CNTNAP2: variants seen among roughly 807,000 people sequenced by gnomAD.
CNTNAP2 encodes the protein contactin-associated protein-like 2.
A neutral mutation model predicts 155.2 loss-of-function variants in CNTNAP2; 98 were observed. That is an observed-to-expected ratio of 0.63 (90% confidence interval 0.54 to 0.75). The LOEUF is 0.75. Ranked by LOEUF, CNTNAP2 falls within the 30% of genes least tolerant of loss-of-function variation. The pLI is 0.00. For synonymous variants in CNTNAP2, 651 were observed against 631.2 expected, an observed-to-expected ratio of 1.03 and a Z score of -0.47; for missense variants, 1,727 against 1,688.1, an observed-to-expected ratio of 1.02 and a Z score of -0.40.
chr7:147,902,890 G>A, intron 13 of CNTNAP2, among the ~76,000 whole-genome samples: 1 of 149,444 alleles, frequency 6.7e-6, no homozygotes, highest in South Asian at 2.2e-4. Context: ...GGGCATTTAG[G>A]TTGCTTCCAC....
chr7:147,764,105 A>G (rs905441044), intron 13 of CNTNAP2, among the ~76,000 whole-genome samples: 1 of 151,580 alleles, frequency 6.6e-6, no homozygotes, highest in Non-Finnish European at 1.5e-5. Context: ...TCAAATCTCT[A>G]TCTCGTGTAT....
chr7:148,349,248 G>A (rs1374832879), intron 21 of CNTNAP2, among the ~76,000 whole-genome samples: 1 of 152,126 alleles, frequency 6.6e-6, no homozygotes, highest in East Asian at 1.9e-4. Flanking sequence ...GAAGGAACCA[G>A]ATCTAAAGAC....
At chr7:146,161,717 C>A (rs1376573847) in intron 1 of CNTNAP2, among the ~76,000 whole-genome samples, 1 of 152,102 alleles carries the variant, frequency 6.6e-6, no homozygotes, top group Admixed American at 6.6e-5. Context: ...AATCCTAAGC[C>A]TAAAGAACAA....
At chr7:146,766,742 T>G (rs1277763100) in intron 1 of CNTNAP2, among the ~76,000 whole-genome samples, 1 of 152,208 alleles carries the variant, frequency 6.6e-6, no homozygotes, top group Non-Finnish European at 1.5e-5. Flanking sequence ...GCTATTACTA[T>G]CAATTGATTC....
At position 146,167,004 on chromosome 7, in the gene CNTNAP2, A is replaced by T. The variant is rs967221813; in HGVS notation, c.97+50031A>T. On this transcript the variant is annotated intron_variant, in intron 1 of 23. Transcript: ENST00000361727. ...TCCCACCTGACATGTAGGGGGAAGGAATCAGGCACTTTGGAGAATTTCTTC... is the reference window on the plus strand; with the variant it reads ...TCCCACCTGACATGTAGGGGGAAGGTATCAGGCACTTTGGAGAATTTCTTC... 2.6e-5 allele frequency among the ~76,000 whole-genome samples: 4 copies of T among 152,358 alleles called. No homozygotes were observed. The East Asian group carries it at 7.7e-4, about 29-fold the overall frequency.
intron 1 of CNTNAP2, among the ~76,000 whole-genome samples, chr7:146,514,142 C>T (rs1049944260): frequency 6.6e-6 from 1 of 151,862 alleles, no homozygotes; most frequent in Non-Finnish European, 1.5e-5. Flanking sequence ...GTTATTTTCT[C>T]TTTCCACTTT....
intron 16 of CNTNAP2, among the ~76,000 whole-genome samples, chr7:148,146,800 CACCGTCATTACACCAACAATAGGTT>C: frequency 6.6e-6 from 1 of 152,162 alleles, no homozygotes; most frequent in East Asian, 1.9e-4. Context: ...AACAATAGGT[CACCGTCATTACACCAACAATAGGTT>C]ACCCTCATTA....
chr7:147,112,887 G>A (rs1322973910), intron 5 of CNTNAP2, among the ~76,000 whole-genome samples: 1 of 152,124 alleles, frequency 6.6e-6, no homozygotes, highest in East Asian at 1.9e-4. Context: ...GTACCAGGAT[G>A]ATGCTGGCCT....
At chr7:147,040,986 T>A (rs1799249914) in intron 3 of CNTNAP2, among the ~76,000 whole-genome samples, 1 of 152,184 alleles carries the variant, frequency 6.6e-6, no homozygotes, top group Non-Finnish European at 1.5e-5. Flanking sequence ...ATCAAATCTG[T>A]CTTTTATTTA....
At chr7:147,414,652 A>G (rs1305357166) in intron 10 of CNTNAP2, among the ~76,000 whole-genome samples, 2 of 151,866 alleles carry the variant, frequency 1.3e-5, no homozygotes, top group African/African-American at 4.8e-5. Flanking sequence ...AATTTAAGAA[A>G]TGGATTCTCC....
intron 1 of CNTNAP2, among the ~76,000 whole-genome samples, chr7:146,521,141 A>G (rs963281781): frequency 6.6e-6 from 1 of 151,930 alleles, no homozygotes; most frequent in Non-Finnish European, 1.5e-5. Flanking sequence ...GGTCTGTAAC[A>G]GAGGTTGCCA....
intron 2 of CNTNAP2, among the ~76,000 whole-genome samples, chr7:146,810,689 A>C (rs1368475662): frequency 2.0e-5 from 3 of 152,000 alleles, no homozygotes; most frequent in Non-Finnish European, 2.9e-5. Flanking sequence ...AGAAGTGACA[A>C]GAGTGTGCAC....
In CNTNAP2 at chr7:146,331,316, AAT is replaced by A. The variant is rs1484398611; in HGVS notation, c.97+214345_97+214346del. Among the ~76,000 whole-genome samples, 474 of 138,988 alleles carry A rather than the reference AAT, an allele frequency of 3.4e-3. 14 individuals are homozygous for A. The highest frequency in any genetic ancestry group is 0.012 in the African/African-American group (399 of 31,954). The allele number at this position is 138,988 out of a possible 152,430, so 91.2% of individuals were successfully genotyped here. On this transcript the variant is annotated intron_variant, in intron 1 of 23. Coordinates refer to ENST00000361727, the MANE Select transcript of CNTNAP2 (RefSeq NM_014141.6). ...GAGACTCCGTCTCAAAAAAAAAAAA[AAT>A]AAAAATAACCAACTATCATATAAAT... is the stretch of plus-strand genomic sequence containing the variant.
chr7:147,114,935 T>C (rs1441209814), intron 5 of CNTNAP2, among the ~76,000 whole-genome samples: 4 of 152,178 alleles, frequency 2.6e-5, no homozygotes, highest in African/African-American at 9.7e-5. Context: ...TGTGTTTCTG[T>C]AGTGGCTGGT....
chr7:147,016,833 G>A (rs1345566344), intron 3 of CNTNAP2, among the ~76,000 whole-genome samples: 2 of 151,944 alleles, frequency 1.3e-5, no homozygotes, highest in African/African-American at 2.4e-5. Context: ...ATCCTGTAGA[G>A]ATCACTGAGA....
At chr7:146,490,222 T>C (rs963132989) in intron 1 of CNTNAP2, among the ~76,000 whole-genome samples, 6 of 152,242 alleles carry the variant, frequency 3.9e-5, no homozygotes, top group African/African-American at 1.4e-4. Flanking sequence ...CAAATATTTA[T>C]TGAACAGCTA....
At chr7:146,629,268 C>G (rs1799471109) in intron 1 of CNTNAP2, among the ~76,000 whole-genome samples, 1 of 152,118 alleles carries the variant, frequency 6.6e-6, no homozygotes, top group South Asian at 2.1e-4. Context: ...GAATTACATA[C>G]TATTTAGAAA....
intron 20 of CNTNAP2, among the ~76,000 whole-genome samples, chr7:148,264,049 T>A (rs1796623253): frequency 6.6e-6 from 1 of 151,052 alleles, no homozygotes; most frequent in Non-Finnish European, 1.5e-5. Context: ...ACTGTTAATG[T>A]CAATTATCAA....
intron 13 of CNTNAP2, among the ~76,000 whole-genome samples, chr7:147,876,976 G>C (rs1376465487): frequency 6.6e-6 from 1 of 152,102 alleles, no homozygotes; most frequent in African/African-American, 2.4e-5. Context: ...GTTGTGGATT[G>C]GGTGGTGCTC....
Sources: allele counts gnomAD v4.1 joint callset (sites outside exome capture counted in the v4.1 genomes callset), GRCh38; gene constraint gnomAD v4.1.1; transcripts MANE v1.5; gene names NCBI Gene and HGNC (gene_info 2026-07-23, HGNC 2026-07-21).